The following ADARB2 variants were observed in gnomAD, a reference collection of about 807,000 sequenced individuals.
ADARB2 encodes inactive double-stranded RNA-specific editase B2.
ADARB2 carries 25 observed loss-of-function variants against 62.2 expected under a neutral mutation model. The observed-to-expected ratio is 0.40, with a 90% confidence interval of 0.29 to 0.56. The LOEUF is 0.56. Ranked by LOEUF, ADARB2 falls within the 20% of genes least tolerant of loss-of-function variation. The pLI is 0.43. For missense variants in ADARB2, 1,071 were observed against 1,077.4 expected (o/e 0.99, Z 0.08); for synonymous variants, 572 against 500.8 (o/e 1.14, Z -1.90).
At chr10:1,266,768 G>A (rs1206352344) in intron 4 of ADARB2, among the ~76,000 whole-genome samples, 1 of 152,206 alleles carries the variant, frequency 6.6e-6, no homozygotes, top group Admixed American at 6.5e-5. Context: ...TGGAGGACAC[G>A]GGCCAGGGCG....
chr10:1,576,123 G>GAAGTTCA (rs1833015230), intron 1 of ADARB2, among the ~76,000 whole-genome samples: 1 of 130,340 alleles, frequency 7.7e-6, no homozygotes, highest in Non-Finnish European at 1.6e-5. Context: ...TCACAGGAGG[G>GAAGTTCA]GGCCCAGGGT....
chr10:1,685,202 G>A (rs564482002), intron 1 of ADARB2, among the ~76,000 whole-genome samples: 1 of 152,326 alleles, frequency 6.6e-6, no homozygotes, highest in East Asian at 1.9e-4. Context: ...GTGTGTTGGT[G>A]AGTGCGTGAG....
At chr10:1,202,431 G>A (rs1452192662) in intron 7 of ADARB2, among the ~76,000 whole-genome samples, 1 of 152,060 alleles carries the variant, frequency 6.6e-6, no homozygotes, top group African/African-American at 2.4e-5. Flanking sequence ...CACTGAACTT[G>A]GCCTCCCACC....
At chr10:1,651,889 C>T (rs1834116280) in intron 1 of ADARB2, among the ~76,000 whole-genome samples, 2 of 152,082 alleles carry the variant, frequency 1.3e-5, no homozygotes, top group African/African-American at 4.8e-5. Context: ...CAGAGCCTGC[C>T]CAGGAGAGAC....
chr10:1,557,412 CA>C (rs1298747353), intron 1 of ADARB2, among the ~76,000 whole-genome samples: 51 of 152,266 alleles, frequency 3.3e-4, no homozygotes, highest in African/African-American at 1.2e-3. Flanking sequence ...CAAACCCTGC[CA>C]CCTGGAGTCG....
At chr10:1,479,567 T>C (rs780587135) in intron 1 of ADARB2, among the ~76,000 whole-genome samples, 3 of 152,068 alleles carry the variant, frequency 2.0e-5, no homozygotes, top group Non-Finnish European at 4.4e-5. Context: ...AAGCAGGAAA[T>C]CCAGAGTCGG....
At chr10:1,302,821 T>A (rs1183378669) in intron 3 of ADARB2, among the ~76,000 whole-genome samples, 4 of 152,132 alleles carry the variant, frequency 2.6e-5, no homozygotes, top group African/African-American at 4.8e-5. Context: ...GAGGGTCCTG[T>A]CTGTTAGAAG....
In ADARB2 at chr10:1,618,962, G is replaced by A. The variant is rs1028966824; in HGVS notation, c.100+118089C>T. ...CTTGTAGAAGTTCTGTCAGATTAAG[G>A]CAGGCTGCGAAGGAACTGTAGCTTC... On this transcript the variant is annotated intron_variant, in intron 1 of 9. Transcript: ENST00000381312. Among the ~76,000 whole-genome samples, 4 of 152,146 alleles carry A rather than the reference G, an allele frequency of 2.6e-5. No homozygotes were observed. In the East Asian group the frequency reaches 5.8e-4, roughly 22 times the overall value.
intron 1 of ADARB2, among the ~76,000 whole-genome samples, chr10:1,456,583 C>A (rs1439512377): frequency 6.6e-6 from 1 of 152,136 alleles, no homozygotes; most frequent in African/African-American, 2.4e-5. Context: ...TCTGCCTCAG[C>A]AACGATCCTG....
chr10:1,730,231 T>TA (rs1835214093), intron 1 of ADARB2, among the ~76,000 whole-genome samples: 1 of 152,154 alleles, frequency 6.6e-6, no homozygotes, highest in Admixed American at 6.5e-5. Context: ...CTGGCACCGT[T>TA]AAAAAGACGT....
chr10:1,538,349 C>G (rs993261533), intron 1 of ADARB2, among the ~76,000 whole-genome samples: 6 of 152,170 alleles, frequency 3.9e-5, no homozygotes, highest in Non-Finnish European at 4.4e-5. Flanking sequence ...ACTGCGAAGC[C>G]CCTTCCAGAG....
intron 1 of ADARB2, among the ~76,000 whole-genome samples, chr10:1,658,465 CTCTCTG>C (rs1834201448): frequency 2.0e-5 from 3 of 152,030 alleles, no homozygotes. Flanking sequence ...TCTCTTTTCT[CTCTCTG>C]TCTCTGTCTG....
In ADARB2 at chr10:1,363,552, C is replaced by A; in HGVS notation, c.553G>T (p.Ala185Ser). 1 of 1,565,402 alleles carries A rather than the reference C, an allele frequency of 6.4e-7. No homozygotes were observed. The change falls in exon 3 of 10, where the codon GCA becomes TCA. Residue 185 changes from alanine (A) to serine (S), a missense_variant. Transcript: ENST00000381312. ...GGGAACTGCACGAAGGACCTGAGTG[C>A]CAGCTCCGCCGCGCGCATCTTGGCC... ...KKAKMRAAEL[A>S]LRSFVQFPNA...
At chr10:1,340,633 A>G (rs370335788) in intron 3 of ADARB2, among the ~76,000 whole-genome samples, 2 of 38,706 alleles carry the variant, frequency 5.2e-5, no homozygotes, top group African/African-American at 2.1e-4. Context: ...AGAACCACAC[A>G]CCCCACAGCG....
At chr10:1,412,056 G>C (rs1440094790) in intron 1 of ADARB2, among the ~76,000 whole-genome samples, 1 of 152,204 alleles carries the variant, frequency 6.6e-6, no homozygotes, top group Admixed American at 6.5e-5. Context: ...AATTTGAGGA[G>C]AGTGCTTGTC....
chr10:1,581,160 G>T (rs1055336765), intron 1 of ADARB2, among the ~76,000 whole-genome samples: 3 of 152,244 alleles, frequency 2.0e-5, no homozygotes, highest in Non-Finnish European at 4.4e-5. Flanking sequence ...TAGAAGCAGG[G>T]ATAGAACCTG....
chr10:1,394,615 TGACCAGTGCTGGGG>T (rs1268996844), intron 1 of ADARB2, among the ~76,000 whole-genome samples: 3 of 152,196 alleles, frequency 2.0e-5, no homozygotes, highest in Non-Finnish European at 4.4e-5. Flanking sequence ...GAGGTTCGTG[TGACCAGTGCTGGGG>T]GGTCAAAGGT....
At chr10:1,498,420 T>A (rs1302904397) in intron 1 of ADARB2, among the ~76,000 whole-genome samples, 5 of 147,304 alleles carry the variant, frequency 3.4e-5, no homozygotes, top group South Asian at 2.1e-4. Context: ...GTAATTTTTT[T>A]AAAAACAAAG....
At chr10:1,249,688 T>C (rs575672067) in intron 4 of ADARB2, among the ~76,000 whole-genome samples, 6 of 151,974 alleles carry the variant, frequency 3.9e-5, no homozygotes, top group Non-Finnish European at 5.9e-5. Flanking sequence ...GGCATTTTTA[T>C]GACCATTCAG....
Sources: gnomAD v4.1 joint callset for allele counts (sites outside exome capture counted in the v4.1 genomes callset) on GRCh38, gnomAD v4.1.1 for gene constraint, MANE v1.5 for transcripts, NCBI Gene and HGNC (gene_info 2026-07-23, HGNC 2026-07-21) for gene names.